SGCZ: variants seen among roughly 807,000 people sequenced by gnomAD.
SGCZ encodes the protein sarcoglycan zeta, also known as zeta-sarcoglycan.
Under a neutral mutation model 41.3 loss-of-function variants are expected in SGCZ, and 40 were observed. That is an observed-to-expected ratio of 0.97 (90% CI 0.75 to 1.26). SGCZ has a LOEUF of 1.26. Ranked by LOEUF, SGCZ falls within the 50% of genes most tolerant of loss-of-function variation. The probability of loss-of-function intolerance (pLI) is 0.00; values close to 1 mark genes in which losing one functional copy is unlikely to be tolerated. For synonymous variants in SGCZ, 206 were observed against 137.5 expected, an observed-to-expected ratio of 1.50 and a Z score of -3.49; for missense variants, 552 against 369.8, an observed-to-expected ratio of 1.49 and a Z score of -4.04.
intron 4 of SGCZ, among the ~76,000 whole-genome samples, chr8:14,193,901 T>C (rs1805185056): frequency 6.6e-6 from 1 of 151,858 alleles, no homozygotes; most frequent in Admixed American, 6.6e-5. Flanking sequence ...TAATATATAA[T>C]ATTAATTTTG....
intron 1 of SGCZ, among the ~76,000 whole-genome samples, chr8:15,227,319 T>G (rs1038312554): frequency 3.9e-5 from 6 of 152,076 alleles, no homozygotes; most frequent in African/African-American, 1.4e-4. Flanking sequence ...ATTCTGAGAG[T>G]GGAAGATCAA....
intron 1 of SGCZ, among the ~76,000 whole-genome samples, chr8:14,696,720 C>A (rs1808974848): frequency 1.3e-5 from 2 of 151,794 alleles, no homozygotes; most frequent in Admixed American, 1.3e-4. Flanking sequence ...TTTTGTCTTG[C>A]CTATTGTATG....
intron 1 of SGCZ, among the ~76,000 whole-genome samples, chr8:15,080,479 G>C (rs1250785950): frequency 6.6e-6 from 1 of 152,132 alleles, no homozygotes. Context: ...AGCCTAAAAT[G>C]TATATGTCTT....
At chr8:14,206,508 G>A (rs1409258995) in intron 4 of SGCZ, among the ~76,000 whole-genome samples, 1 of 152,068 alleles carries the variant, frequency 6.6e-6, no homozygotes, top group African/African-American at 2.4e-5. Flanking sequence ...CCAACAAGGA[G>A]AGTTATAAAA....
intron 1 of SGCZ, among the ~76,000 whole-genome samples, chr8:14,785,571 G>A (rs1189604580): frequency 6.6e-6 from 1 of 152,116 alleles, no homozygotes; most frequent in African/African-American, 2.4e-5. Flanking sequence ...TAATACTAAG[G>A]TGGTTCCCAT....
chr8:15,097,911 CGTGTGTATATATATATATAT>C (rs1563124251), intron 1 of SGCZ, among the ~76,000 whole-genome samples: 10 of 90,346 alleles, frequency 1.1e-4, no homozygotes, highest in African/African-American at 1.9e-4. Context: ...TATATATATA[CGTGTGTATATATATATATAT>C]ACATACATAC....
chr8:14,592,807 A>G (rs1432009180), intron 1 of SGCZ, among the ~76,000 whole-genome samples: 2 of 152,200 alleles, frequency 1.3e-5, no homozygotes, highest in African/African-American at 4.8e-5. Context: ...GAAGGAAATC[A>G]GAGTGGCTCT....
chr8:14,316,081 A>T (rs1262635914), intron 3 of SGCZ, among the ~76,000 whole-genome samples: 3 of 151,926 alleles, frequency 2.0e-5, no homozygotes, highest in East Asian at 1.9e-4. Context: ...CTCCATGACT[A>T]GGCAATTTCA....
chr8:14,342,335 G>C (rs1332273954), intron 2 of SGCZ, among the ~76,000 whole-genome samples: 1 of 151,308 alleles, frequency 6.6e-6, no homozygotes, highest in Non-Finnish European at 1.5e-5. Flanking sequence ...TTTTCTTTTT[G>C]AGGTGCAGTC....
intron 2 of SGCZ, among the ~76,000 whole-genome samples, chr8:14,414,148 A>C (rs1799433171): frequency 6.6e-6 from 1 of 152,018 alleles, no homozygotes; most frequent in African/African-American, 2.4e-5. Flanking sequence ...AGAAAAACAA[A>C]AGGCAAAAAA....
chr8:15,000,832 CTG>C (rs1802392831), intron 1 of SGCZ, among the ~76,000 whole-genome samples: 1 of 152,198 alleles, frequency 6.6e-6, no homozygotes, highest in Non-Finnish European at 1.5e-5. Flanking sequence ...GGATGTCTGT[CTG>C]TCTGTCTTGC....
chr8:14,493,480 G>A (rs946479571), intron 2 of SGCZ, among the ~76,000 whole-genome samples: 3 of 144,732 alleles, frequency 2.1e-5, no homozygotes, highest in African/African-American at 7.7e-5. Context: ...CGATTTTCCT[G>A]CCTCAGCCTC....
chr8:14,109,944 G>A (rs1802322788), intron 5 of SGCZ, among the ~76,000 whole-genome samples: 1 of 152,100 alleles, frequency 6.6e-6, no homozygotes, highest in East Asian at 1.9e-4. Context: ...GCTTAATAGT[G>A]TTCTCTCTTC....
intron 1 of SGCZ, among the ~76,000 whole-genome samples, chr8:14,923,535 C>T (rs1554522523): frequency 2.0e-5 from 3 of 152,040 alleles, no homozygotes; most frequent in Non-Finnish European, 4.4e-5. Flanking sequence ...TCCCAGGACA[C>T]ATATATTCAT....
chr8:14,177,363 T>A (rs1393926150), intron 4 of SGCZ, among the ~76,000 whole-genome samples: 1 of 152,216 alleles, frequency 6.6e-6, no homozygotes, highest in African/African-American at 2.4e-5. Context: ...AACTCCAGAT[T>A]GTTACATATT....
At chr8:14,638,260 C>T (rs1176142875) in intron 1 of SGCZ, among the ~76,000 whole-genome samples, 2 of 151,802 alleles carry the variant, frequency 1.3e-5, no homozygotes, top group African/African-American at 2.4e-5. Context: ...TTAGAGTCTA[C>T]TCCGTTGCTT....
intron 1 of SGCZ, among the ~76,000 whole-genome samples, chr8:14,683,695 TATA>T (rs1808517883): frequency 6.6e-6 from 1 of 152,174 alleles, no homozygotes; most frequent in Non-Finnish European, 1.5e-5. Context: ...AGTACAAGTG[TATA>T]ATTCTTCACT....
chr8:14,723,208 A>C (rs1228334364), intron 1 of SGCZ, among the ~76,000 whole-genome samples: 1 of 152,232 alleles, frequency 6.6e-6, no homozygotes, highest in Non-Finnish European at 1.5e-5. Flanking sequence ...ATTGGAGCAG[A>C]TCTTCAGAGA....
intron 1 of SGCZ, among the ~76,000 whole-genome samples, chr8:15,182,070 A>T (rs1800196121): frequency 6.6e-6 from 1 of 152,188 alleles, no homozygotes; most frequent in East Asian, 1.9e-4. Context: ...CATTTTATTC[A>T]TTCCGAAATT....
Sources: allele counts gnomAD v4.1 joint callset (sites outside exome capture counted in the v4.1 genomes callset), GRCh38; gene constraint gnomAD v4.1.1; transcripts MANE v1.5; gene names NCBI Gene and HGNC (gene_info 2026-07-23, HGNC 2026-07-21).